The following HHAT variants were observed in gnomAD, a reference collection of about 807,000 sequenced individuals.
HHAT encodes the protein protein-cysteine N-palmitoyltransferase HHAT.
A neutral mutation model predicts 70.8 loss-of-function variants in HHAT; 47 were observed. The observed-to-expected ratio is 0.66, with a 90% CI of 0.53 to 0.85. The LOEUF is 0.85. Among genes scored for constraint, HHAT ranks in the 40% least tolerant of loss-of-function variants. HHAT has a pLI of 0.00. For synonymous variants in HHAT, 228 were observed against 247.6 expected, an observed-to-expected ratio of 0.92 and a Z score of 0.74; for missense variants, 609 against 604.8, an observed-to-expected ratio of 1.01 and a Z score of -0.07.
intron 11 of HHAT, among the ~76,000 whole-genome samples, chr1:210,634,865 A>G (rs776537751): frequency 3.9e-5 from 6 of 152,224 alleles, no homozygotes; most frequent in Non-Finnish European, 7.3e-5. Flanking sequence ...CAAGGAAATA[A>G]GCAATGTGGG....
In HHAT at chr1:210,459,769, G is replaced by C. The variant is rs74577820; in HGVS notation, c.857-4736G>C. On this transcript the variant is annotated intron_variant, in intron 7 of 11. Coordinates refer to ENST00000261458, the MANE Select transcript of HHAT (RefSeq NM_018194.6). ...TTTTCCATTGCATTTATTGTCCTCT[G>C]TCCCAGTTGGCTGTCGCTGAATAAC... is the stretch of plus-strand genomic sequence containing the variant. Among the ~76,000 whole-genome samples the C allele has an allele frequency of 9.2e-3, 1,395 of 152,308 alleles. 33 individuals carry two copies. The highest frequency in any genetic ancestry group is 0.032 in the African/African-American group (1,331 of 41,550).
chr1:210,538,984 G>C (rs2095402311), intron 9 of HHAT, among the ~76,000 whole-genome samples: 1 of 152,150 alleles, frequency 6.6e-6, no homozygotes, highest in African/African-American at 2.4e-5. Context: ...GGCTGAGGCA[G>C]GAGAATTGCT....
At chr1:210,554,615 G>T (rs1361255352) in intron 9 of HHAT, among the ~76,000 whole-genome samples, 1 of 152,140 alleles carries the variant, frequency 6.6e-6, no homozygotes, top group Non-Finnish European at 1.5e-5. Context: ...AGGCGGGGAG[G>T]TTTCAGCTTA....
intron 9 of HHAT, among the ~76,000 whole-genome samples, chr1:210,573,004 A>T (rs1056583361): frequency 6.6e-6 from 1 of 152,216 alleles, no homozygotes; most frequent in Non-Finnish European, 1.5e-5. Context: ...GGAACTCAAA[A>T]GCATAAGCTA....
chr1:210,668,134 G>A (rs896647521), intron 11 of HHAT, among the ~76,000 whole-genome samples: 5 of 152,192 alleles, frequency 3.3e-5, no homozygotes, highest in African/African-American at 1.2e-4. Flanking sequence ...GTTGTAGCAT[G>A]TGTCAGAATT....
At chr1:210,482,036 A>G (rs1431174706) in intron 8 of HHAT, among the ~76,000 whole-genome samples, 1 of 152,100 alleles carries the variant, frequency 6.6e-6, no homozygotes, top group Non-Finnish European at 1.5e-5. Flanking sequence ...TTTGTAAGCG[A>G]TAGTTCATTC....
At chr1:210,540,461 ACACACACACGCACACACATG>A (rs1283691375) in intron 9 of HHAT, among the ~76,000 whole-genome samples, 62 of 138,898 alleles carry the variant, frequency 4.5e-4, no homozygotes, top group East Asian at 2.9e-3. Flanking sequence ...ACACACACAC[ACACACACACGCACACACATG>A]CACACACACG....
At chr1:210,503,542 A>G (rs1450785453) in intron 8 of HHAT, among the ~76,000 whole-genome samples, 2 of 152,214 alleles carry the variant, frequency 1.3e-5, no homozygotes, top group African/African-American at 4.8e-5. Flanking sequence ...AATCTTCTGT[A>G]CCTATCACCT....
intron 1 of HHAT, among the ~76,000 whole-genome samples, chr1:210,348,525 T>A (rs1355490197): frequency 6.6e-6 from 1 of 152,222 alleles, no homozygotes; most frequent in African/African-American, 2.4e-5. Context: ...TGGTAGTCCC[T>A]TCTTGCTACA....
chr1:210,356,080 A>G (rs1399330729), intron 2 of HHAT, among the ~76,000 whole-genome samples: 1 of 144,968 alleles, frequency 6.9e-6, no homozygotes, highest in Non-Finnish European at 1.5e-5. Flanking sequence ...CCACACTTGC[A>G]CACTTGCTTG....
chr1:210,405,736 A>G (rs749192300), intron 6 of HHAT, among the ~76,000 whole-genome samples: 12 of 152,356 alleles, frequency 7.9e-5, no homozygotes, highest in South Asian at 2.1e-4. Context: ...TAAAATTTCC[A>G]GTGAAAGTAT....
At chr1:210,628,155 G>A (rs750467215) in intron 11 of HHAT, among the ~76,000 whole-genome samples, 24 of 151,752 alleles carry the variant, frequency 1.6e-4, no homozygotes, top group South Asian at 4.1e-4. Flanking sequence ...TCTCTCCACC[G>A]TCCTGGGGTA....
chr1:210,416,929 G>A lies in HHAT; in HGVS notation c.685-1225G>A, dbSNP rs148631977. ...TTACTTTAGGAGGAAACCCAGACTC[G>A]GAAAGGTTAAGTAACTTGCTCAGGA... On this transcript the variant is annotated intron_variant, in intron 6 of 11. Coordinates refer to ENST00000261458, the MANE Select transcript of HHAT (RefSeq NM_018194.6). 5.6e-4 allele frequency among the ~76,000 whole-genome samples: 86 copies of A among 152,284 alleles called. No individual in the cohort carries two copies. In the East Asian group the frequency reaches 0.011, roughly 19 times the overall value.
intron 11 of HHAT, among the ~76,000 whole-genome samples, chr1:210,659,899 G>A (rs1160594658): frequency 6.6e-6 from 1 of 152,078 alleles, no homozygotes; most frequent in East Asian, 1.9e-4. Context: ...CAATAAAATA[G>A]GTATTGATGG....
At chr1:210,488,162 A>C (rs2094500463) in intron 8 of HHAT, among the ~76,000 whole-genome samples, 1 of 152,238 alleles carries the variant, frequency 6.6e-6, no homozygotes, top group African/African-American at 2.4e-5. Flanking sequence ...GATGCACAGC[A>C]CAGCAATTTA....
chr1:210,587,993 G>C lies in HHAT; in HGVS notation c.1139G>C (p.Gly380Ala). 1 of 1,614,140 alleles carries C rather than the reference G, an allele frequency of 6.2e-7. No homozygotes were observed. The highest frequency in any genetic ancestry group is 2.2e-5 in the East Asian group (1 of 44,868). ...MTFAFVSYWHGGYDYLWCWAA... is the reference protein window; with the variant it reads ...MTFAFVSYWHAGYDYLWCWAA... ...TTTGCATTTGTGAGCTACTGGCATG[G>C]CGGCTACGACTACCTCTGGTGCTGG... is the stretch of plus-strand genomic sequence containing the variant. Residue 380 changes from glycine to alanine, a missense_variant, in exon 10 of 12, where the codon GGC becomes GCC. Coordinates refer to ENST00000261458, the MANE Select transcript of HHAT (RefSeq NM_018194.6).
chr1:210,571,051 C>G (rs377602207), intron 9 of HHAT, among the ~76,000 whole-genome samples: 1 of 152,102 alleles, frequency 6.6e-6, no homozygotes, highest in South Asian at 2.1e-4. Flanking sequence ...TGGCCTCGGC[C>G]GTCGAATTGA....
At chr1:210,656,076 A>G (rs1238391895) in intron 11 of HHAT, among the ~76,000 whole-genome samples, 1 of 152,128 alleles carries the variant, frequency 6.6e-6, no homozygotes, top group Non-Finnish European at 1.5e-5. Flanking sequence ...TCTAAATGTT[A>G]TATGTTCCTT....
chr1:210,352,386 C>T (rs1223643379), intron 2 of HHAT, among the ~76,000 whole-genome samples: 1 of 152,172 alleles, frequency 6.6e-6, no homozygotes, highest in African/African-American at 2.4e-5. Context: ...AATGTTGAGC[C>T]TTCTTGGTTC....
Sources: gnomAD v4.1 joint callset for allele counts (sites outside exome capture counted in the v4.1 genomes callset) on GRCh38, gnomAD v4.1.1 for gene constraint, MANE v1.5 for transcripts, NCBI Gene and HGNC (gene_info 2026-07-23, HGNC 2026-07-21) for gene names.